HTR5A: variants seen among roughly 807,000 people sequenced by gnomAD.
The protein encoded by HTR5A is 5-HT-5.
In HTR5A, 21 loss-of-function variants were observed where a neutral mutation model predicts 24.3. That is an observed-to-expected ratio of 0.86 (90% CI 0.61 to 1.24). HTR5A has a LOEUF of 1.24. Ranked by LOEUF, HTR5A falls within the 50% of genes most tolerant of loss-of-function variation. HTR5A has a pLI of 0.00. For synonymous variants in HTR5A, 260 were observed against 213.7 expected (o/e 1.22, Z -1.89); for missense variants, 497 against 489.5 (o/e 1.02, Z -0.15).
rs1302147405 is a variant in HTR5A at position 155,084,653 on chromosome 7, G to T, written c.*166G>T. Reference sequence around the variant, plus strand: ...GGCCTCTTTTCCACCTCCTCAGTAGGAATATGACTCCTCATAGAGTTACGG... The same window carrying T: ...GGCCTCTTTTCCACCTCCTCAGTAGTAATATGACTCCTCATAGAGTTACGG... On this transcript the variant is annotated 3_prime_UTR_variant, in exon 2 of 2. Transcript: ENST00000287907. The T allele has an allele frequency of 4.9e-6, 3 of 606,510 alleles. No homozygotes were observed. Among genetic ancestry groups the T allele is most frequent in the Non-Finnish European group, 8.7e-6 (3 of 344,468 alleles). 37.6% of individuals were successfully genotyped at this position (606,510 alleles called of 1,614,324 possible).
At chr7:155,083,451 G>C (rs1311631849) in intron 1 of HTR5A, among the ~76,000 whole-genome samples, 1 of 152,250 alleles carries the variant, frequency 6.6e-6, no homozygotes, top group Admixed American at 6.5e-5. Context: ...AAGGGAGGAA[G>C]AGCTTCCTTT....
At chr7:155,081,456 G>A (rs1795417311) in intron 1 of HTR5A, among the ~76,000 whole-genome samples, 1 of 152,174 alleles carries the variant, frequency 6.6e-6, no homozygotes, top group South Asian at 2.1e-4. Context: ...GTTTATTGGG[G>A]GAGATGAGGC....
At position 155,084,296 on chromosome 7, in the gene HTR5A, G is replaced by C. The variant is rs371458123; in HGVS notation, c.883G>C (p.Val295Leu). 8 of 1,614,128 alleles carry C rather than the reference G, an allele frequency of 5.0e-6. No individual in the cohort carries two copies. The highest frequency in any genetic ancestry group is 1.7e-5 in the Admixed American group (1 of 60,006). The change falls in exon 2 of 2, where the codon GTG (valine) becomes CTG (leucine). Residue 295 changes from valine to leucine, a missense_variant. Val to Leu is a conservative substitution (Grantham distance 32). Transcript: ENST00000287907. Reference protein sequence around the residue: ...LMVGILIGVFVLCWIPFFLTE... With the variant: ...LMVGILIGVFLLCWIPFFLTE... Reference sequence around the variant, plus strand: ...GGTGGGCATCCTCATTGGCGTGTTCGTGCTCTGCTGGATCCCCTTCTTTCT... The same window carrying C: ...GGTGGGCATCCTCATTGGCGTGTTCCTGCTCTGCTGGATCCCCTTCTTTCT...
chr7:155,080,758 C>T (rs115683027), intron 1 of HTR5A, among the ~76,000 whole-genome samples: 2,051 of 152,226 alleles, frequency 0.013, 45 homozygotes, highest in African/African-American at 0.041. Flanking sequence ...AGCTGCAGAA[C>T]GGAGTTTACT....
In HTR5A at chr7:155,086,466, A is replaced by G. The variant is rs138658565; in HGVS notation, c.*1979A>G. On this transcript the variant is annotated 3_prime_UTR_variant, in exon 2 of 2. Coordinates refer to ENST00000287907, the MANE Select transcript of HTR5A (RefSeq NM_024012.4). ...CTCCCCAACTCTCCAAGGATTCTGT[A>G]TACCCCAGTTGGAGAACGATGTTAT... Among the ~76,000 whole-genome samples, 36 of 152,368 alleles carry G rather than the reference A, an allele frequency of 2.4e-4. No homozygotes were observed. Among genetic ancestry groups the G allele is most frequent in the African/African-American group, 8.2e-4 (34 of 41,590 alleles).
At chr7:155,078,423 T>C (rs1188937481) in intron 1 of HTR5A, among the ~76,000 whole-genome samples, 1 of 152,176 alleles carries the variant, frequency 6.6e-6, no homozygotes, top group Non-Finnish European at 1.5e-5. Context: ...ATTTTCTATC[T>C]TTATTCAGCC....
rs767871266 is a variant in HTR5A, at chr7:155,071,405, C to A, written c.506C>A (p.Ser169Tyr). The A allele has an allele frequency of 1.2e-6, 2 of 1,614,084 alleles. No homozygotes were observed. The highest frequency in any genetic ancestry group is 4.5e-5 in the East Asian group (2 of 44,896). ...ATGATCGCGCTCACCTGGGCACTCT[C>A]CGCTGTCATCTCTCTGGCCCCGCTG... ...NVMIALTWAL[S>Y]AVISLAPLLF... Residue 169 changes from serine (S) to tyrosine (Y), a missense_variant, in exon 1 of 2, where the codon TCC becomes TAC. Coordinates refer to ENST00000287907, the MANE Select transcript of HTR5A (RefSeq NM_024012.4).
intron 1 of HTR5A, among the ~76,000 whole-genome samples, chr7:155,078,261 A>G (rs1374527959): frequency 6.6e-6 from 1 of 152,154 alleles, no homozygotes; most frequent in East Asian, 1.9e-4. Context: ...CATATTGGAT[A>G]TTTTGCAAAT....
chr7:155,072,536 C>A (rs1333671974), intron 1 of HTR5A, among the ~76,000 whole-genome samples: 1 of 152,082 alleles, frequency 6.6e-6, no homozygotes, highest in East Asian at 1.9e-4. Flanking sequence ...ATAATCTGAC[C>A]CTACGACTCA....
chr7:155,086,467 T>TACCC lies in HTR5A; in HGVS notation c.*1981_*1984dup, dbSNP rs2150822774. ...TCCCCAACTCTCCAAGGATTCTGTA[T>TACCC]ACCCCAGTTGGAGAACGATGTTATT... On this transcript the variant is annotated 3_prime_UTR_variant, in exon 2 of 2. Coordinates refer to ENST00000287907, the MANE Select transcript of HTR5A (RefSeq NM_024012.4). 6.6e-6 allele frequency among the ~76,000 whole-genome samples: 1 copy of TACCC among 152,368 alleles called. No homozygotes were observed. The highest frequency in any genetic ancestry group is 2.4e-5 in the African/African-American group (1 of 41,596).
At chr7:155,079,752 C>A (rs1795396116) in intron 1 of HTR5A, among the ~76,000 whole-genome samples, 1 of 152,152 alleles carries the variant, frequency 6.6e-6, no homozygotes, top group Admixed American at 6.5e-5. Context: ...GAGGAAGAGG[C>A]AACTGTGGTT....
intron 1 of HTR5A, among the ~76,000 whole-genome samples, chr7:155,079,616 A>G (rs1795394687): frequency 6.6e-6 from 1 of 152,258 alleles, no homozygotes; most frequent in African/African-American, 2.4e-5. Context: ...TTTTTCATTA[A>G]GTAAAAAAAG....
At chr7:155,082,862 A>G (rs2698512) in intron 1 of HTR5A, among the ~76,000 whole-genome samples, 127,780 of 152,164 alleles carry the variant, frequency 0.84, 55,780 homozygotes, top group Non-Finnish European at 0.96. Context: ...ACAGAAAGTG[A>G]GATTTTCAAT....
At chr7:155,078,972 T>C (rs1334391400) in intron 1 of HTR5A, among the ~76,000 whole-genome samples, 2 of 152,078 alleles carry the variant, frequency 1.3e-5, no homozygotes, top group Non-Finnish European at 2.9e-5. Context: ...CTTTCTTTTT[T>C]TGAGGCAGGG....
At position 155,084,293 on chromosome 7, in the gene HTR5A, T is replaced by C. The variant is rs1267821158; in HGVS notation, c.880T>C (p.Phe294Leu). 1 of 1,614,172 alleles carries C rather than the reference T, an allele frequency of 6.2e-7. No homozygotes were observed. Among genetic ancestry groups the C allele is most frequent in the East Asian group, 2.2e-5 (1 of 44,870 alleles). The change falls in exon 2 of 2, where the codon TTC (phenylalanine) becomes CTC (leucine). Residue 294 changes from phenylalanine (F) to leucine (L), a missense_variant. Phe to Leu is a conservative substitution (Grantham distance 22). Coordinates refer to ENST00000287907, the MANE Select transcript of HTR5A (RefSeq NM_024012.4). ...ALMVGILIGV[F>L]VLCWIPFFLT... Reference sequence around the variant, plus strand: ...CATGGTGGGCATCCTCATTGGCGTGTTCGTGCTCTGCTGGATCCCCTTCTT... The same window carrying C: ...CATGGTGGGCATCCTCATTGGCGTGCTCGTGCTCTGCTGGATCCCCTTCTT...
rs1304894428 is a variant in HTR5A, at chr7:155,084,497, C to A, written c.*10C>A. On this transcript the variant is annotated 3_prime_UTR_variant, in exon 2 of 2. Transcript: ENST00000287907. Reference sequence around the variant, plus strand: ...TTCTAGGCAACACTGAGGGAGAGGACCAGGATTGAAAAAAGTTTCTTCCCA... The same window carrying A: ...TTCTAGGCAACACTGAGGGAGAGGAACAGGATTGAAAAAAGTTTCTTCCCA... 4 of 1,583,242 alleles carry A rather than the reference C, an allele frequency of 2.5e-6. No homozygotes were observed. The highest frequency in any genetic ancestry group is 2.3e-5 in the South Asian group (2 of 86,794).
rs940819691 is a variant in HTR5A, at chr7:155,085,329, A to C, written c.*842A>C. ...GCGTGGACTATATTCCAGTGTTTCT[A>C]GTCAAAGACCTTTATCCTCAAATCA... is the stretch of plus-strand genomic sequence containing the variant. On this transcript the variant is annotated 3_prime_UTR_variant, in exon 2 of 2. Transcript: ENST00000287907. 7 of 152,232 alleles carry C rather than the reference A, an allele frequency of 4.6e-5. No individual in the cohort carries two copies. Among genetic ancestry groups the C allele is most frequent in the African/African-American group, 1.7e-4 (7 of 41,464 alleles). The allele number at this position is 152,232 out of a possible 1,614,324, so 9.4% of individuals were successfully genotyped here.
At position 155,071,180 on chromosome 7, in the gene HTR5A, T is replaced by A; in HGVS notation, c.281T>A (p.Met94Lys). Residue 94 changes from methionine (M) to lysine (K), a missense_variant, in exon 1 of 2, where the codon ATG (methionine) becomes AAG (lysine). By Grantham distance (95) the Met-to-Lys change is moderately conservative (BLOSUM62 -1). Transcript: ENST00000287907. The part of the protein sequence containing the change: ...VSDVLVAALV[M>K]PLSLVHELSG... ...GATGTCCTGGTGGCCGCGCTGGTCA[T>A]GCCGCTGAGCCTGGTGCACGAGCTG... The A allele has an allele frequency of 6.2e-7, 1 of 1,602,892 alleles. No individual in the cohort carries two copies. Among genetic ancestry groups the A allele is most frequent in the Non-Finnish European group, 8.5e-7 (1 of 1,179,870 alleles).
At chr7:155,078,114 T>G (rs1172158277) in intron 1 of HTR5A, among the ~76,000 whole-genome samples, 1 of 152,158 alleles carries the variant, frequency 6.6e-6, no homozygotes, top group African/African-American at 2.4e-5. Flanking sequence ...AGCAATATAT[T>G]AATATATACA....
Sources: gnomAD v4.1 joint callset for allele counts (sites outside exome capture counted in the v4.1 genomes callset) on GRCh38, gnomAD v4.1.1 for gene constraint, MANE v1.5 for transcripts, NCBI Gene and HGNC (gene_info 2026-07-23, HGNC 2026-07-21) for gene names.